LRP1B: variants seen among roughly 807,000 people sequenced by gnomAD.
LRP1B encodes the protein LDL receptor related protein 1B, also known as low-density lipoprotein receptor-related protein 1B.
Under a neutral mutation model 556.6 loss-of-function variants are expected in LRP1B, and 217 were observed. The ratio of observed to expected loss-of-function variants is 0.39; its 90% CI spans 0.35 to 0.44. The LOEUF (loss-of-function observed/expected upper bound fraction) is 0.44, where lower values mean the gene tolerates loss of function less well. LRP1B is among the 20% of genes least tolerant of loss of function. The probability of loss-of-function intolerance (pLI) is 1.00; values close to 1 mark genes in which losing one functional copy is unlikely to be tolerated. For missense variants in LRP1B, 5,053 were observed against 5,620.8 expected (o/e 0.90, Z 3.23); for synonymous variants, 2,047 against 1,865.8 (o/e 1.10, Z -2.50).
chr2:140,263,124 C>G (rs10180435), intron 86 of LRP1B, among the ~76,000 whole-genome samples: 66,437 of 151,630 alleles, frequency 0.44, 16,164 homozygotes, highest in African/African-American at 0.65. Context: ...TTGCCATTTT[C>G]CTCAGGCTGG....
At chr2:140,385,654 T>G (rs1225102372) in intron 67 of LRP1B, among the ~76,000 whole-genome samples, 2 of 152,216 alleles carry the variant, frequency 1.3e-5, no homozygotes, top group Non-Finnish European at 2.9e-5. Context: ...TTAAACCTCA[T>G]GATACTTTCA....
intron 9 of LRP1B, among the ~76,000 whole-genome samples, chr2:141,057,604 T>C (rs1699214387): frequency 6.6e-6 from 1 of 151,830 alleles, no homozygotes; most frequent in African/African-American, 2.4e-5. Flanking sequence ...ATCTGATGGT[T>C]TTAAAAAGGG....
At chr2:141,015,606 ATAAACT>A in intron 13 of LRP1B, 84 bp downstream of exon 13, 1 of 1,087,212 alleles carries the variant, frequency 9.2e-7, no homozygotes, top group Non-Finnish European at 1.3e-6. Flanking sequence ...AGGAGTAAAA[ATAAACT>A]TGAAAGTATT....
chr2:141,129,592 G>A (rs535434740), intron 7 of LRP1B, among the ~76,000 whole-genome samples: 85 of 151,318 alleles, frequency 5.6e-4, no homozygotes, highest in African/African-American at 2.0e-3. Flanking sequence ...GGCGGGGGGT[G>A]AAAGTCAAAT....
chr2:141,984,096 C>T (rs1242289064), intron 1 of LRP1B, among the ~76,000 whole-genome samples: 1 of 152,090 alleles, frequency 6.6e-6, no homozygotes, highest in Non-Finnish European at 1.5e-5. Flanking sequence ...CCCATTTAGT[C>T]CAGCCTGCTG....
intron 7 of LRP1B, among the ~76,000 whole-genome samples, chr2:141,084,974 A>G (rs1700017033): frequency 6.6e-6 from 1 of 152,130 alleles, no homozygotes; most frequent in Non-Finnish European, 1.5e-5. Context: ...AAAGCTTGTT[A>G]TGGAGTAGAG....
At chr2:141,764,698 T>TG (rs1694677144) in intron 2 of LRP1B, among the ~76,000 whole-genome samples, 1 of 151,644 alleles carries the variant, frequency 6.6e-6, no homozygotes. Context: ...CTATGGAATT[T>TG]TTTTTTATGG....
intron 1 of LRP1B, among the ~76,000 whole-genome samples, chr2:141,949,997 A>C (rs1331334747): frequency 6.6e-6 from 1 of 152,176 alleles, no homozygotes; most frequent in East Asian, 1.9e-4. Flanking sequence ...CTTGGCTGAT[A>C]AAAGAGTTAA....
intron 3 of LRP1B, among the ~76,000 whole-genome samples, chr2:141,408,040 A>C (rs1032130854): frequency 1.3e-5 from 2 of 152,068 alleles, no homozygotes; most frequent in Non-Finnish European, 2.9e-5. Context: ...AGAAATCTTC[A>C]TACCTGGTTT....
chr2:141,820,422 AATAGAT>A (rs2105728503), intron 1 of LRP1B, among the ~76,000 whole-genome samples: 1 of 152,322 alleles, frequency 6.6e-6, no homozygotes, highest in Non-Finnish European at 1.5e-5. Flanking sequence ...TTGCAAAGAA[AATAGAT>A]ATTCTTTACA....
intron 49 of LRP1B, among the ~76,000 whole-genome samples, chr2:140,519,765 G>GA (rs1300797865): frequency 3.9e-5 from 6 of 152,000 alleles, no homozygotes; most frequent in African/African-American, 7.3e-5. Flanking sequence ...AAATTTACAA[G>GA]AAAAAATCAA....
intron 3 of LRP1B, among the ~76,000 whole-genome samples, chr2:141,304,398 T>G (rs1315309073): frequency 1.3e-5 from 2 of 151,830 alleles, no homozygotes; most frequent in Non-Finnish European, 2.9e-5. Flanking sequence ...TAATTTTAGG[T>G]CTTTTATAGT....
At position 140,234,874 on chromosome 2, in the gene LRP1B, A is replaced by G. The variant is rs774416315; in HGVS notation, c.13571T>C (p.Ile4524Thr). ...FMIDPTKARY[I>T]GGGPSAFKLP... ...CTTGAAAGCACTGGGTCCTCCCCCT[A>G]TGTACCTGGCCTGTATATAAACAGA... Residue 4524 changes from isoleucine (I) to threonine (T), a missense_variant, in exon 90 of 91, where the codon ATA becomes ACA. Ile to Thr is a moderately conservative substitution (Grantham distance 89, BLOSUM62 -1). Transcript: ENST00000389484. 3 of 775,082 alleles carry G rather than the reference A, an allele frequency of 3.9e-6. No homozygotes were observed. Among genetic ancestry groups the G allele is most frequent in the Non-Finnish European group, 7.2e-6 (3 of 414,540 alleles). 48.0% of individuals were successfully genotyped at this position (775,082 alleles called of 1,614,324 possible).
At chr2:141,681,887 G>C (rs540733933) in intron 2 of LRP1B, among the ~76,000 whole-genome samples, 1 of 152,262 alleles carries the variant, frequency 6.6e-6, no homozygotes, top group South Asian at 2.1e-4. Context: ...AGTTCCAATA[G>C]ACTTAGCTAT....
rs774017589 is a variant in LRP1B at position 140,297,921 on chromosome 2, C to G, written c.12854G>C (p.Gly4285Ala). The part of the protein sequence containing the change: ...CALGFTGPNC[G>A]KTVCEDFCQN... ...ACAAAAATCCTCACAGACTGTCTTA[C>G]CACAGTTTGGCCCAGTGAAACCCAG... The change falls in exon 84 of 91, where the codon GGT (glycine) becomes GCT (alanine). Residue 4285 changes from glycine (G) to alanine (A), a missense_variant. Transcript: ENST00000389484. 2 of 1,613,848 alleles carry G rather than the reference C, an allele frequency of 1.2e-6. No homozygotes were observed. The highest frequency in any genetic ancestry group is 1.1e-5 in the South Asian group (1 of 91,054).
chr2:140,943,922 A>G (rs568732966), intron 20 of LRP1B, among the ~76,000 whole-genome samples: 1 of 152,246 alleles, frequency 6.6e-6, no homozygotes, highest in African/African-American at 2.4e-5. Context: ...ACTAAAAATC[A>G]GAGCAGAACT....
At chr2:140,303,789 C>A (rs1003492099) in intron 83 of LRP1B, among the ~76,000 whole-genome samples, 1 of 142,346 alleles carries the variant, frequency 7.0e-6, no homozygotes. Flanking sequence ...GGTATATCTC[C>A]TAATCCTATC....
chr2:140,392,649 G>A (rs371266932), intron 66 of LRP1B, among the ~76,000 whole-genome samples: 1 of 151,810 alleles, frequency 6.6e-6, no homozygotes, highest in Non-Finnish European at 1.5e-5. Context: ...TACCACACCC[G>A]GCTAATTTTT....
At chr2:142,011,291 C>T (rs1430083986) in intron 1 of LRP1B, among the ~76,000 whole-genome samples, 2 of 152,200 alleles carry the variant, frequency 1.3e-5, no homozygotes, top group African/African-American at 2.4e-5. Context: ...ACTTCCTCTT[C>T]TCCCTTAGTG....
Sources: allele counts gnomAD v4.1 joint callset (sites outside exome capture counted in the v4.1 genomes callset), GRCh38; gene constraint gnomAD v4.1.1; transcripts MANE v1.5; gene names NCBI Gene and HGNC (gene_info 2026-07-23, HGNC 2026-07-21).